KLHDC10: variants seen among roughly 807,000 people sequenced by gnomAD.
KLHDC10 encodes the protein kelch domain-containing protein 10.
In KLHDC10, 24 loss-of-function variants were observed where a neutral mutation model predicts 56.1. That is an observed-to-expected ratio of 0.43 (90% CI 0.31 to 0.60). KLHDC10 has a LOEUF of 0.60. Ranked by LOEUF, KLHDC10 falls within the 20% of genes least tolerant of loss-of-function variation. The pLI, the probability that KLHDC10 is intolerant of heterozygous loss-of-function variation, is 0.11. For missense variants in KLHDC10, 349 were observed against 567.0 expected (o/e 0.62, Z 3.91); for synonymous variants, 188 against 207.1 (o/e 0.91, Z 0.79).
intron 7 of KLHDC10, among the ~76,000 whole-genome samples, chr7:130,126,282 C>T (rs1019442674): frequency 6.6e-6 from 1 of 152,192 alleles, no homozygotes; most frequent in African/African-American, 2.4e-5. Flanking sequence ...TGAGCCACTA[C>T]TCTCCAGCCT....
rs1449471369 is a variant in KLHDC10, at chr7:130,135,192, A to AAAAAC, written c.*4449_*4453dup. ...CAGAGGCAGTTTTCAGAAAAAAACA[A>AAAAAC]AAAACAATTTCACCAAGCGGTAGTA... On this transcript the variant is annotated 3_prime_UTR_variant, in exon 10 of 10. Coordinates refer to ENST00000335420, the MANE Select transcript of KLHDC10 (RefSeq NM_014997.4). 2 of 152,468 alleles carry AAAAAC rather than the reference A, an allele frequency of 1.3e-5. No homozygotes were observed. The highest frequency in any genetic ancestry group is 2.9e-5 in the Non-Finnish European group (2 of 68,008). The allele number at this position is 152,468 out of a possible 1,614,324, so 9.4% of individuals were successfully genotyped here.
chr7:130,104,180 T>G (rs903687550), intron 2 of KLHDC10, among the ~76,000 whole-genome samples: 1 of 152,314 alleles, frequency 6.6e-6, no homozygotes. Context: ...TGTCTTTACA[T>G]TGAGAAAGCT....
At chr7:130,119,525 CA>C (rs1451106321) in intron 3 of KLHDC10, among the ~76,000 whole-genome samples, 1 of 70,374 alleles carries the variant, frequency 1.4e-5, no homozygotes. Flanking sequence ...AACAAACAAA[CA>C]AAAAAAGAGT....
In KLHDC10 at chr7:130,132,119, G is replaced by A. The variant is rs925726360; in HGVS notation, c.*1373G>A. 1 of 151,780 alleles carries A rather than the reference G, an allele frequency of 6.6e-6. No homozygotes were observed. Among genetic ancestry groups the A allele is most frequent in the Non-Finnish European group, 1.5e-5 (1 of 67,956 alleles). The allele number at this position is 151,780 out of a possible 1,614,324, so 9.4% of individuals were successfully genotyped here. A position where few individuals can be genotyped will look rare whatever the true frequency, so the allele number is the denominator to read the frequency against. On this transcript the variant is annotated 3_prime_UTR_variant, in exon 10 of 10. Transcript: ENST00000335420. ...TAAATTTTCACTCGCTTTGCCATCT[G>A]GCTGCTAGGGGAGCTGAGCAAGAGG...
At chr7:130,117,342 C>T (rs1367446488) in intron 3 of KLHDC10, among the ~76,000 whole-genome samples, 1 of 152,126 alleles carries the variant, frequency 6.6e-6, no homozygotes, top group Non-Finnish European at 1.5e-5. Flanking sequence ...AAGTTTGCTG[C>T]ATCAATTGGC....
chr7:130,129,320 CATGGGG>C, intron 8 of KLHDC10, 111 bp from the exon 9 acceptor site: 1 of 1,143,960 alleles, frequency 8.7e-7, no homozygotes. Context: ...TCGTCTGTGT[CATGGGG>C]CAATCCACTT....
chr7:130,105,215 GATTTAC>G (rs1265797776), intron 2 of KLHDC10, among the ~76,000 whole-genome samples: 1 of 152,130 alleles, frequency 6.6e-6, no homozygotes, highest in Admixed American at 6.5e-5. Context: ...CGAAGGTGAA[GATTTAC>G]ATACATTAAG....
chr7:130,117,057 TCA>T (rs1796177997), intron 3 of KLHDC10, among the ~76,000 whole-genome samples: 1 of 152,222 alleles, frequency 6.6e-6, no homozygotes, highest in Non-Finnish European at 1.5e-5. Context: ...ATAAAGCAAG[TCA>T]CACAACATTT....
chr7:130,094,840 A>G (rs1189306926), intron 1 of KLHDC10: 2 of 152,150 alleles, frequency 1.3e-5, no homozygotes, highest in Non-Finnish European at 1.5e-5. Flanking sequence ...AAATAATACC[A>G]TAGTTAATAT....
intron 3 of KLHDC10, among the ~76,000 whole-genome samples, chr7:130,117,910 A>T (rs1195588692): frequency 6.6e-6 from 1 of 151,034 alleles, no homozygotes; most frequent in Non-Finnish European, 1.5e-5. Flanking sequence ...CACACCTGTA[A>T]TCCCAGCACT....
At chr7:130,110,457 T>C (rs1796085516) in intron 2 of KLHDC10, among the ~76,000 whole-genome samples, 1 of 152,256 alleles carries the variant, frequency 6.6e-6, no homozygotes, top group Non-Finnish European at 1.5e-5. Context: ...GACTAACACC[T>C]GTAATCCCAG....
intron 5 of KLHDC10, 30 bp from the exon 6 acceptor site, chr7:130,124,421 T>C: frequency 7.5e-7 from 1 of 1,341,382 alleles, no homozygotes; most frequent in Non-Finnish European, 1.1e-6. Flanking sequence ...TTTCACTTAA[T>C]TATAAATGAA....
In KLHDC10 at chr7:130,132,198, A is replaced by G. The variant is rs1796410885; in HGVS notation, c.*1452A>G. 1 of 152,190 alleles carries G rather than the reference A, an allele frequency of 6.6e-6. No individual in the cohort carries two copies. The highest frequency in any genetic ancestry group is 2.4e-5 in the African/African-American group (1 of 41,440). 9.4% of individuals were successfully genotyped at this position (152,190 alleles called of 1,614,324 possible). A position where few individuals can be genotyped will look rare whatever the true frequency, so the allele number is the denominator to read the frequency against. ...TGTACTCAAGGTGCTGAAGGCGTGC[A>G]AGGGGCAGCGCTGGTCCTCCCGGGG... On this transcript the variant is annotated 3_prime_UTR_variant, in exon 10 of 10. Transcript: ENST00000335420.
intron 6 of KLHDC10, 40 bp downstream of exon 6, chr7:130,124,575 G>A: frequency 9.7e-7 from 1 of 1,031,550 alleles, no homozygotes; most frequent in Non-Finnish European, 1.5e-6. Flanking sequence ...GAGGGAGAAG[G>A]ATAGAAGGAG....
chr7:130,123,265 G>A (rs977651352), intron 5 of KLHDC10, among the ~76,000 whole-genome samples: 1 of 151,934 alleles, frequency 6.6e-6, no homozygotes, highest in African/African-American at 2.4e-5. Context: ...TCAGGAGTTC[G>A]AGACCAGCCT....
In KLHDC10 at chr7:130,120,818, A is replaced by G. The variant is rs1796237522; in HGVS notation, c.545A>G (p.Asn182Ser). 1.2e-6 allele frequency: 2 copies of G among 1,613,994 alleles called. No individual in the cohort carries two copies. Among genetic ancestry groups the G allele is most frequent in the African/African-American group, 1.3e-5 (1 of 74,926 alleles). Residue 182 changes from asparagine to serine, a missense_variant, in exon 4 of 10, where the codon AAT becomes AGT. Coordinates refer to ENST00000335420, the MANE Select transcript of KLHDC10 (RefSeq NM_014997.4). This position sits in a 1 kb window ranked among gnomAD's most constrained non-coding sequence, Gnocchi z 5.1. ...TGIPFGESNG[N>S]DVHVCNVKYK... is the part of the protein sequence containing the mutation. ...ATCCCATTTGGAGAGAGCAACGGCA[A>G]TGACGTCCATGTGTGTAATGTGAAG...
At chr7:130,108,231 AAAAAG>A (rs1796043420) in intron 2 of KLHDC10, among the ~76,000 whole-genome samples, 1 of 150,926 alleles carries the variant, frequency 6.6e-6, no homozygotes, top group African/African-American at 2.4e-5. Flanking sequence ...TGTCTCAAAA[AAAAAG>A]AAAAAAGAAA....
chr7:130,080,994 G>GTT (rs1795596369), intron 1 of KLHDC10, among the ~76,000 whole-genome samples: 1 of 139,336 alleles, frequency 7.2e-6, no homozygotes, highest in South Asian at 2.2e-4. Flanking sequence ...GTTTCTTTCA[G>GTT]TTTTCTTTTT....
intron 1 of KLHDC10, among the ~76,000 whole-genome samples, chr7:130,081,364 G>A (rs914951425): frequency 6.6e-6 from 1 of 151,488 alleles, no homozygotes; most frequent in Non-Finnish European, 1.5e-5. Flanking sequence ...TGTCACTCAG[G>A]CTGCAGTGCA....
Sources: allele counts gnomAD v4.1 joint callset (sites outside exome capture counted in the v4.1 genomes callset), GRCh38; gene constraint gnomAD v4.1.1; non-coding constraint Gnocchi (gnomAD v3.1); transcripts MANE v1.5; gene names NCBI Gene and HGNC (gene_info 2026-07-23, HGNC 2026-07-21).